MERTK: variants seen among roughly 807,000 people sequenced by gnomAD.
The protein encoded by MERTK is tyrosine-protein kinase Mer.
Under a neutral mutation model 99.3 loss-of-function variants are expected in MERTK, and 69 were observed. The ratio of observed to expected loss-of-function variants is 0.70; its 90% CI spans 0.57 to 0.85. MERTK has a LOEUF of 0.85. Ranked by LOEUF, MERTK falls within the 40% of genes least tolerant of loss-of-function variation. MERTK has a pLI of 0.00. For synonymous variants in MERTK, 426 were observed against 467.6 expected (o/e 0.91, Z 1.15); for missense variants, 1,125 against 1,249.4 (o/e 0.90, Z 1.50).
chr2:111,980,118 C>G (rs1246717594), intron 7 of MERTK, among the ~76,000 whole-genome samples: 1 of 152,206 alleles, frequency 6.6e-6, no homozygotes, highest in Non-Finnish European at 1.5e-5. Flanking sequence ...TGTAGCCGCT[C>G]ACTTCCTCTA....
At chr2:112,004,108 G>T (rs1676931772) in intron 13 of MERTK, 124 bp downstream of exon 13, 2 of 785,860 alleles carry the variant, frequency 2.5e-6, no homozygotes, top group Non-Finnish European at 4.5e-6. Flanking sequence ...TGGAACACTG[G>T]TCACCAAGGG....
At chr2:111,910,625 T>C (rs1208050549) in intron 1 of MERTK, among the ~76,000 whole-genome samples, 7 of 151,666 alleles carry the variant, frequency 4.6e-5, no homozygotes, top group South Asian at 4.2e-4. Flanking sequence ...TATATATATA[T>C]ATACAAATGG....
At chr2:111,995,394 C>T (rs1442939855) in intron 9 of MERTK, 1 of 188,448 alleles carries the variant, frequency 5.3e-6, no homozygotes, top group Non-Finnish European at 1.1e-5. Flanking sequence ...GTCATAAAGT[C>T]CATGCATAGG....
intron 8 of MERTK, among the ~76,000 whole-genome samples, chr2:111,983,205 TACTC>T (rs376758246): frequency 9.3e-4 from 141 of 152,346 alleles, no homozygotes; most frequent in African/African-American, 3.2e-3. Flanking sequence ...TTTCCTCACT[TACTC>T]ATTCATTCAT....
intron 13 of MERTK, 95 bp downstream of exon 13, chr2:112,004,079 A>G: frequency 3.7e-6 from 4 of 1,071,222 alleles, no homozygotes; most frequent in Non-Finnish European, 5.8e-6. Flanking sequence ...CTCAGTTCCC[A>G]GTGGGCCAGA....
rs1270854897 is a variant in MERTK at position 111,994,281 on chromosome 2, G to T, written c.1327G>T (p.Gly443Cys). 1 of 1,614,132 alleles carries T rather than the reference G, an allele frequency of 6.2e-7. No individual in the cohort carries two copies. The highest frequency in any genetic ancestry group is 2.2e-5 in the East Asian group (1 of 44,882). The change falls in exon 9 of 19, where the codon GGC becomes TGC. Residue 443 changes from glycine to cysteine, a missense_variant. Coordinates refer to ENST00000295408, the MANE Select transcript of MERTK (RefSeq NM_006343.3). ...KELLEEVGQN[G>C]SRARISVQVH... ...GCTCTTGGAGGAAGTTGGCCAGAAT[G>T]GCAGCCGAGCTCGGATCTCTGTTCA... is the stretch of plus-strand genomic sequence containing the variant.
At chr2:111,997,573 C>G (rs1676776043) in intron 10 of MERTK, 97 bp downstream of exon 10, 1 of 1,416,260 alleles carries the variant, frequency 7.1e-7, no homozygotes, top group Non-Finnish European at 9.8e-7. Flanking sequence ...GCTTACATTG[C>G]TCCCAGATGG....
intron 18 of MERTK, 194 bp downstream of exon 18, chr2:112,022,588 C>T (rs201136677): frequency 9.7e-4 from 847 of 870,324 alleles, no homozygotes; most frequent in Non-Finnish European, 1.3e-3. Context: ...TGTGGTATCT[C>T]CAGTGAGCCC....
chr2:111,962,543 T>C (rs1203997771), intron 4 of MERTK, among the ~76,000 whole-genome samples: 4 of 152,204 alleles, frequency 2.6e-5, no homozygotes, highest in Non-Finnish European at 5.9e-5. Context: ...TTTAGACTTA[T>C]AGAAAAACAC....
chr2:111,931,563 A>G (rs1254865155), intron 2 of MERTK, among the ~76,000 whole-genome samples: 3 of 152,098 alleles, frequency 2.0e-5, no homozygotes, highest in East Asian at 1.9e-4. Context: ...GCGCACGCCT[A>G]TAGTCCCAGA....
chr2:112,006,922 G>C (rs1676990887), intron 13 of MERTK, among the ~76,000 whole-genome samples: 1 of 131,198 alleles, frequency 7.6e-6, no homozygotes, highest in South Asian at 2.2e-4. Flanking sequence ...AAGCCAATAG[G>C]ATGGTATAGA....
At position 112,029,293 on chromosome 2, in the gene MERTK, GATTC is replaced by G. The variant is rs775575803; in HGVS notation, c.*435_*438del. ...TGGTCTTGATGTATTTGATAAGAAT[GATTC>G]ATTCAATGTTTAAAGTTGTATAACT... On this transcript the variant is annotated 3_prime_UTR_variant, in exon 19 of 19. Coordinates refer to ENST00000295408, the MANE Select transcript of MERTK (RefSeq NM_006343.3). The G allele has an allele frequency of 3.1e-5, 30 of 962,208 alleles. No individual in the cohort carries two copies. The highest frequency in any genetic ancestry group is 1.1e-4 in the African/African-American group (6 of 56,508). 59.6% of individuals were successfully genotyped at this position (962,208 alleles called of 1,614,324 possible).
rs78557307 is a variant in MERTK, at chr2:111,938,532, G to A, written c.483-6428G>A. Among the ~76,000 whole-genome samples the A allele has an allele frequency of 4.8e-3, 725 of 152,316 alleles. 1 individual carries two copies. The highest frequency in any genetic ancestry group is 7.4e-3 in the Non-Finnish European group (502 of 68,034). On this transcript the variant is annotated intron_variant, in intron 2 of 18. Transcript: ENST00000295408. ...GTAGTGGTAAGGACTGAGGGTTAGA[G>A]ACATGCTGTGTGTGTATAAGATGTG...
Position 111,898,836 on chromosome 2 carries a change from G to A in MERTK, c.61+40G>A, listed in dbSNP as rs925191628. Reference sequence around the variant, plus strand: ...CTGGGGGCCAGGCGAGGGGGTGGGGGCTCCCAGGAGGAAGCAGGGGCCTCT... The same window carrying A: ...CTGGGGGCCAGGCGAGGGGGTGGGGACTCCCAGGAGGAAGCAGGGGCCTCT... On this transcript the variant is annotated intron_variant, in intron 1 of 18. Transcript: ENST00000295408. 2.6e-6 allele frequency: 4 copies of A among 1,555,230 alleles called. No homozygotes were observed. The African/African-American group carries it at 4.1e-5, about 16-fold the overall frequency.
chr2:111,938,839 G>T (rs1269351707), intron 2 of MERTK, among the ~76,000 whole-genome samples: 1 of 152,050 alleles, frequency 6.6e-6, no homozygotes, highest in Non-Finnish European at 1.5e-5. Context: ...CATCTCTTGG[G>T]TATCTTTCCA....
intron 4 of MERTK, among the ~76,000 whole-genome samples, chr2:111,960,267 G>A (rs1407428029): frequency 6.6e-6 from 1 of 151,980 alleles, no homozygotes; most frequent in East Asian, 1.9e-4. Context: ...GATCACCTGA[G>A]GTCAGGAGTT....
At chr2:111,933,959 G>C (rs909766594) in intron 2 of MERTK, among the ~76,000 whole-genome samples, 2 of 149,460 alleles carry the variant, frequency 1.3e-5, no homozygotes, top group African/African-American at 2.5e-5. Context: ...TGATGAGTGA[G>C]AGAATATGCA....
chr2:111,993,769 G>A (rs1676678431), intron 8 of MERTK, among the ~76,000 whole-genome samples: 1 of 152,040 alleles, frequency 6.6e-6, no homozygotes, highest in African/African-American at 2.4e-5. Context: ...AAAAAAAAAA[G>A]TGTCAGTGCC....
intron 5 of MERTK, among the ~76,000 whole-genome samples, chr2:111,967,233 CTG>C (rs1489703484): frequency 6.6e-6 from 1 of 152,186 alleles, no homozygotes; most frequent in Non-Finnish European, 1.5e-5. Context: ...TACAACCTCT[CTG>C]TGACTTTTGC....
Sources: allele counts gnomAD v4.1 joint callset (sites outside exome capture counted in the v4.1 genomes callset), GRCh38; gene constraint gnomAD v4.1.1; transcripts MANE v1.5; gene names NCBI Gene and HGNC (gene_info 2026-07-23, HGNC 2026-07-21).